EXD3: variants seen among roughly 807,000 people sequenced by gnomAD.
EXD3 encodes the protein exonuclease mut-7 homolog.
EXD3 carries 92 observed loss-of-function variants against 98.0 expected under a neutral mutation model. That is an observed-to-expected ratio of 0.94 (90% CI 0.79 to 1.12). The LOEUF is 1.12. Ranked by LOEUF, EXD3 falls within the 50% of genes most tolerant of loss-of-function variation. The pLI, the probability that EXD3 is intolerant of heterozygous loss-of-function variation, is 0.00. For missense variants in EXD3, 1,222 were observed against 1,191.6 expected (o/e 1.03, Z -0.38); for synonymous variants, 569 against 526.0 (o/e 1.08, Z -1.12).
At chr9:137,359,051 A>C (rs2119271830) in intron 7 of EXD3, among the ~76,000 whole-genome samples, 1 of 87,544 alleles carries the variant, frequency 1.1e-5, no homozygotes, top group African/African-American at 3.1e-5. Flanking sequence ...GGTTCATGCC[A>C]TTCTCCTGCC....
chr9:137,391,886 G>C (rs1051367067), intron 2 of EXD3: 1 of 152,232 alleles, frequency 6.6e-6, no homozygotes, highest in Non-Finnish European at 1.5e-5. Context: ...CACAACCTCG[G>C]ATAACTGTAA....
rs1834962893 is a variant in EXD3 at position 137,360,419 on chromosome 9, CT to C, written c.657-4052del. Among the ~76,000 whole-genome samples the C allele has an allele frequency of 2.5e-5, 2 of 81,288 alleles. 1 individual carries two copies. The highest frequency in any genetic ancestry group is 3.0e-4 in the Admixed American group (2 of 6,622). The allele number at this position is 81,288 out of a possible 152,430, so 53.3% of individuals were successfully genotyped here. ...GTATTAAGTCAAATTTGTCAATCTT[CT>C]TCTGTTATTCTCTTTCTTTCATCCT... On this transcript the variant is annotated intron_variant, in intron 7 of 21. Coordinates refer to ENST00000340951, the MANE Select transcript of EXD3 (RefSeq NM_017820.5).
Position 137,348,258 on chromosome 9 carries a change from A to G in EXD3, c.1831-20T>C. 1 of 1,607,064 alleles carries G rather than the reference A, an allele frequency of 6.2e-7. No individual in the cohort carries two copies. The stretch of plus-strand genomic sequence containing the variant: ...AGGGACCTGCAGTGAGGCCCTGGTC[A>G]GCAGTCCCACGGTCACCCCCCAGCC... On this transcript the variant is annotated intron_variant, in intron 16 of 21. Transcript: ENST00000340951.
chr9:137,319,511 CTGCTGGAGTGG>C (rs1330532226), intron 19 of EXD3, among the ~76,000 whole-genome samples: 1 of 152,194 alleles, frequency 6.6e-6, no homozygotes, highest in Non-Finnish European at 1.5e-5. Context: ...GGCTGCAGTG[CTGCTGGAGTGG>C]GTGGTGGGAA....
At chr9:137,317,970 C>T (rs1831785067) in intron 19 of EXD3, among the ~76,000 whole-genome samples, 1 of 152,102 alleles carries the variant, frequency 6.6e-6, no homozygotes, top group Non-Finnish European at 1.5e-5. Context: ...CTGAGACGGA[C>T]AGAGCCTGGG....
intron 1 of EXD3, among the ~76,000 whole-genome samples, chr9:137,406,764 G>A (rs1837732052): frequency 6.6e-6 from 1 of 152,132 alleles, no homozygotes; most frequent in African/African-American, 2.4e-5. Flanking sequence ...CTCAGTGGGC[G>A]GTAGACCCTC....
At chr9:137,399,723 G>T (rs13302800) in intron 1 of EXD3, among the ~76,000 whole-genome samples, 2 of 151,970 alleles carry the variant, frequency 1.3e-5, no homozygotes, top group Non-Finnish European at 2.9e-5. Flanking sequence ...GGCGAAAGGC[G>T]CTTCTTACAT....
intron 1 of EXD3, among the ~76,000 whole-genome samples, chr9:137,402,364 T>TA (rs948748399): frequency 1.3e-5 from 2 of 152,154 alleles, no homozygotes; most frequent in African/African-American, 4.8e-5. Context: ...CTTTGCTGCT[T>TA]AGAGATTTCT....
chr9:137,332,653 C>A (rs962752232), intron 17 of EXD3, among the ~76,000 whole-genome samples: 1 of 151,824 alleles, frequency 6.6e-6, no homozygotes. Flanking sequence ...ACCATCCTGG[C>A]TAAAACAGTG....
chr9:137,413,325 C>G (rs933960452), intron 1 of EXD3, among the ~76,000 whole-genome samples: 4 of 151,704 alleles, frequency 2.6e-5, no homozygotes, highest in Non-Finnish European at 4.4e-5. Context: ...CTCAGCCTCC[C>G]GAGTAGCTGG....
intron 17 of EXD3, among the ~76,000 whole-genome samples, chr9:137,332,659 C>T (rs561494645): frequency 6.6e-6 from 1 of 151,410 alleles, no homozygotes; most frequent in Non-Finnish European, 1.5e-5. Context: ...CTGGCTAAAA[C>T]AGTGAAACCC....
Position 137,307,647 on chromosome 9 carries a change from C to T in EXD3, c.2279-1G>A. 1.2e-6 allele frequency: 2 copies of T among 1,609,630 alleles called. No homozygotes were observed. The highest frequency in any genetic ancestry group is 1.7e-6 in the Non-Finnish European group (2 of 1,179,678). On this transcript the variant is annotated splice_acceptor_variant, in intron 20 of 21. Coordinates refer to ENST00000340951, the MANE Select transcript of EXD3 (RefSeq NM_017820.5). LOFTEE classifies it high-confidence loss of function. Reference sequence around the variant, plus strand: ...GCCTGGCTCTGGGTGGCCTCGTCACCTGTCAGTCAAGGAAGAGAGCTGGTC... The same window carrying T: ...GCCTGGCTCTGGGTGGCCTCGTCACTTGTCAGTCAAGGAAGAGAGCTGGTC...
Position 137,359,352 on chromosome 9 carries a change from G to A in EXD3, c.657-2984C>T, listed in dbSNP as rs192980889. Among the ~76,000 whole-genome samples the A allele has an allele frequency of 5.3e-3, 448 of 83,892 alleles. 180 individuals carry two copies. The highest frequency in any genetic ancestry group is 0.01 in the Non-Finnish European group (345 of 34,280). The allele number at this position is 83,892 out of a possible 152,430, so 55.0% of individuals were successfully genotyped here. A position where few individuals can be genotyped will look rare whatever the true frequency, so the allele number is the denominator to read the frequency against. On this transcript the variant is annotated intron_variant, in intron 7 of 21. Transcript: ENST00000340951. Reference sequence around the variant, plus strand: ...TGCCAATCATGGGTGCAAATGCACCGGTAAACCCACTGCCCAAATCTCAAC... The same window carrying A: ...TGCCAATCATGGGTGCAAATGCACCAGTAAACCCACTGCCCAAATCTCAAC...
rs1015716082 is a variant in EXD3, at chr9:137,407,814, C to T, written c.-47-12410G>A. On this transcript the variant is annotated intron_variant, in intron 1 of 21. Transcript: ENST00000340951. This position sits in a 1 kb window ranked among gnomAD's most constrained non-coding sequence, Gnocchi z 4.4. Reference sequence around the variant, plus strand: ...GAGGTCTTGGATGCGCCGGCTGGACCCAAGGACACACGCGGGAGGCGGGAG... The same window carrying T: ...GAGGTCTTGGATGCGCCGGCTGGACTCAAGGACACACGCGGGAGGCGGGAG... Among the ~76,000 whole-genome samples, 1 of 150,434 alleles carries T rather than the reference C, an allele frequency of 6.6e-6. No homozygotes were observed.
At chr9:137,367,908 A>T (rs772995555) in intron 6 of EXD3, 28 bp downstream of exon 6, 3 of 1,609,078 alleles carry the variant, frequency 1.9e-6, no homozygotes, top group African/African-American at 2.7e-5. Context: ...GTTTGAACCT[A>T]AACAATTTAC....
At chr9:137,382,549 G>A (rs1588394835) in intron 3 of EXD3, among the ~76,000 whole-genome samples, 1 of 152,166 alleles carries the variant, frequency 6.6e-6, no homozygotes, top group African/African-American at 2.4e-5. Flanking sequence ...ACAAGCTGGA[G>A]GCCCAAGAAG....
At chr9:137,368,998 G>A (rs1328752502) in intron 5 of EXD3, among the ~76,000 whole-genome samples, 11 of 145,104 alleles carry the variant, frequency 7.6e-5, no homozygotes, top group African/African-American at 2.6e-4. Context: ...CCGGGGCGGG[G>A]TGGGGGGGCT....
At chr9:137,401,103 C>A (rs1837460637) in intron 1 of EXD3, among the ~76,000 whole-genome samples, 1 of 151,392 alleles carries the variant, frequency 6.6e-6, no homozygotes, top group African/African-American at 2.4e-5. Context: ...CACAGTCCCA[C>A]TAGGCAGTGT....
At position 137,324,748 on chromosome 9, in the gene EXD3, A is replaced by G. The variant is rs1315299180; in HGVS notation, c.1999-605T>C. The stretch of plus-strand genomic sequence containing the variant: ...CGCTCTTTCGCCCAGGCCGGAGTGC[A>G]GTGGCGCTGTCTTGGCTCACTGCAA... On this transcript the variant is annotated intron_variant, in intron 17 of 21. Coordinates refer to ENST00000340951, the MANE Select transcript of EXD3 (RefSeq NM_017820.5). The surrounding 1 kb of genome is among the most constrained non-coding windows in gnomAD (Gnocchi z 4.1). Among the ~76,000 whole-genome samples, 3 of 152,212 alleles carry G rather than the reference A, an allele frequency of 2.0e-5. No individual in the cohort carries two copies. The highest frequency in any genetic ancestry group is 7.2e-5 in the African/African-American group (3 of 41,452).
Sources: gnomAD v4.1 joint callset for allele counts (sites outside exome capture counted in the v4.1 genomes callset) on GRCh38, gnomAD v4.1.1 for gene constraint, Gnocchi (gnomAD v3.1) non-coding constraint, MANE v1.5 for transcripts, NCBI Gene and HGNC (gene_info 2026-07-23, HGNC 2026-07-21) for gene names.